Variants in VGLL1 observed in about 807,000 individuals in gnomAD.
VGLL1 encodes vestigial like family member 1, also known as transcription cofactor vestigial-like protein 1.
VGLL1 carries 4 observed loss-of-function variants against 12.0 expected under a neutral mutation model. That is an observed-to-expected ratio of 0.33 (90% CI 0.16 to 0.76). The LOEUF is 0.76. Ranked by LOEUF, VGLL1 falls within the 30% of genes least tolerant of loss-of-function variation. The pLI, the probability that VGLL1 is intolerant of heterozygous loss-of-function variation, is 0.60. For synonymous variants in VGLL1, 87 were observed against 81.2 expected, an observed-to-expected ratio of 1.07 and a Z score of -0.39; for missense variants, 204 against 208.7, an observed-to-expected ratio of 0.98 and a Z score of 0.14.
In VGLL1 at chrX:136,548,678, T is replaced by C. The variant is rs1177594111; in HGVS notation, c.304T>C (p.Cys102Arg). ...ACCTGTCACAAACCGTGCCGCCAAC[T>C]GCAACTTGCATGTGCCTGGTCCCAT... ...EVPVTNRAANCNLHVPGPMAV... is the reference protein window; with the variant it reads ...EVPVTNRAANRNLHVPGPMAV... The change falls in exon 3 of 5, where the codon TGC becomes CGC. Residue 102 changes from cysteine (C) to arginine (R), a missense_variant. Cys to Arg is a radical substitution (Grantham distance 180). Transcript: ENST00000370634. The C allele has an allele frequency of 8.3e-7, 1 of 1,210,582 alleles. No homozygotes were observed. Among genetic ancestry groups the C allele is most frequent in the Non-Finnish European group, 1.1e-6 (1 of 895,349 alleles).
intron 4 of VGLL1, 78 bp from the exon 5 acceptor site, chrX:136,556,373 A>G: frequency 1.2e-6 from 1 of 829,870 alleles, no homozygotes; most frequent in East Asian, 3.1e-5. Context: ...ACAGGTGTTC[A>G]TCTGGACCCT....
Position 136,548,578 on chromosome X carries a change from T to C in VGLL1, c.215-11T>C. 1 of 1,203,794 alleles carries C rather than the reference T, an allele frequency of 8.3e-7. No homozygotes were observed. Among genetic ancestry groups the C allele is most frequent in the Non-Finnish European group, 1.1e-6 (1 of 889,331 alleles). ...AACACCTAACATGTCTTCTAAATCT[T>C]TCCTTCTCAGATGATAGCATGTCTC... On this transcript the variant is annotated splice_polypyrimidine_tract_variant and intron_variant, in intron 2 of 4. Coordinates refer to ENST00000370634, the MANE Select transcript of VGLL1 (RefSeq NM_016267.4).
At chrX:136,540,989 A>C (rs910032336) in intron 2 of VGLL1, among the ~76,000 whole-genome samples, 9 of 112,255 alleles carry the variant, frequency 8.0e-5, no homozygotes, top group Non-Finnish European at 1.1e-4. Context: ...GGAGTCAATG[A>C]GATAATGCAT....
intron 2 of VGLL1, among the ~76,000 whole-genome samples, chrX:136,541,798 C>T (rs756654120): frequency 1.8e-5 from 2 of 112,239 alleles, no homozygotes; most frequent in East Asian, 2.8e-4. Flanking sequence ...TAGGAAATGC[C>T]GTCAAATTTC....
At chrX:136,532,577 CTTT>C (rs2075825669) in intron 1 of VGLL1, among the ~76,000 whole-genome samples, 6 of 6,454 alleles carry the variant, frequency 9.3e-4, no homozygotes, top group Admixed American at 4.5e-3. Context: ...TCAAATATTT[CTTT>C]CTTTCTTTCT....
Position 136,550,840 on chromosome X carries a change from C to G in VGLL1, c.688+19C>G, listed in dbSNP as rs2075883772. ...AATGAAAGTAGGTATCTGGGCCAGCCTTTGATGGTGTGTGTCTGTATCCTG... is the reference window on the plus strand; with the variant it reads ...AATGAAAGTAGGTATCTGGGCCAGCGTTTGATGGTGTGTGTCTGTATCCTG... On this transcript the variant is annotated intron_variant, in intron 4 of 4. Coordinates refer to ENST00000370634, the MANE Select transcript of VGLL1 (RefSeq NM_016267.4). 8.4e-7 allele frequency: 1 copy of G among 1,194,473 alleles called. No individual in the cohort carries two copies. Among genetic ancestry groups the G allele is most frequent in the African/African-American group, 1.7e-5 (1 of 57,300 alleles).
chrX:136,548,629 A>G lies in VGLL1; in HGVS notation c.255A>G (p.Pro85=), dbSNP rs778994068. 5 of 1,210,353 alleles carry G rather than the reference A, an allele frequency of 4.1e-6. No individual in the cohort carries two copies. Among genetic ancestry groups the G allele is most frequent in the Non-Finnish European group, 5.6e-6 (5 of 895,304 alleles). ...CAAATCAGTGGCGTTACTCGTCTCC[A>G]TGGACAAAGCCACAACCAGAAGTAC... ...MSPNQWRYSS[P]WTKPQPEVPV... is the part of the protein sequence containing the mutation. The change falls in exon 3 of 5, where the codon CCA becomes CCG. Residue 85 remains proline (P), a synonymous_variant. Coordinates refer to ENST00000370634, the MANE Select transcript of VGLL1 (RefSeq NM_016267.4).
At chrX:136,533,954 G>C (rs2075832874) in intron 1 of VGLL1, among the ~76,000 whole-genome samples, 1 of 112,320 alleles carries the variant, frequency 8.9e-6, no homozygotes. Flanking sequence ...GTAAAATGGG[G>C]ATAACAATAC....
At chrX:136,552,734 T>C (rs2075889913) in intron 4 of VGLL1, among the ~76,000 whole-genome samples, 1 of 112,136 alleles carries the variant, frequency 8.9e-6, no homozygotes, top group African/African-American at 3.3e-5. Context: ...TTGCCTTAAA[T>C]CACACAGCAG....
chrX:136,535,361 A>G (rs184578274), intron 1 of VGLL1, among the ~76,000 whole-genome samples: 36 of 111,901 alleles, frequency 3.2e-4, no homozygotes, highest in African/African-American at 1.2e-3. Context: ...GTACATCTGC[A>G]TTTTGTTCAG....
chrX:136,540,951 A>G (rs964081503), intron 2 of VGLL1, among the ~76,000 whole-genome samples: 16 of 111,935 alleles, frequency 1.4e-4, no homozygotes, highest in Non-Finnish European at 2.8e-4. Context: ...AAATGGAATA[A>G]TATTGAATTA....
chrX:136,537,483 T>G (rs2075843239), intron 2 of VGLL1, among the ~76,000 whole-genome samples: 1 of 112,222 alleles, frequency 8.9e-6, no homozygotes, highest in Non-Finnish European at 1.9e-5. Flanking sequence ...TCCTCAATCA[T>G]GTTAAATGCT....
intron 1 of VGLL1, among the ~76,000 whole-genome samples, chrX:136,535,065 A>G (rs2075835736): frequency 8.9e-6 from 1 of 111,992 alleles, no homozygotes; most frequent in African/African-American, 3.3e-5. Context: ...CTACTTCCCT[A>G]GTAAAGGAAG....
intron 4 of VGLL1, 40 bp from the exon 5 acceptor site, chrX:136,556,411 G>A (rs769302209): frequency 1.1e-5 from 12 of 1,120,411 alleles, no homozygotes; most frequent in Non-Finnish European, 1.3e-5. Flanking sequence ...TTCCATAGGG[G>A]CCTAACTGGC....
At chrX:136,550,969 G>A (rs1482977234) in intron 4 of VGLL1, 148 bp downstream of exon 4, 5 of 492,420 alleles carry the variant, frequency 1.0e-5, no homozygotes, top group Non-Finnish European at 1.8e-5. Context: ...CTATCACTCA[G>A]TGTTTTCATA....
intron 1 of VGLL1, among the ~76,000 whole-genome samples, chrX:136,532,632 TCTTTCTTTCTTTCTTTCTTTCTTTCTTTC>T (rs2075827323): frequency 2.0e-5 from 2 of 98,606 alleles, no homozygotes; most frequent in African/African-American, 7.4e-5. Context: ...TTTCTTTCTT[TCTTTCTTTCTTTCTTTCTTTCTTTCTTTC>T]TTTTTCTTTC....
In VGLL1 at chrX:136,539,188, A is replaced by T. The variant is rs754764358; in HGVS notation, c.214+2954A>T. ...TCATTATAATCATTCCCTTGTAAGC[A>T]TCATCAAGCCATGGTCTCACTTTTT... is the stretch of plus-strand genomic sequence containing the variant. On this transcript the variant is annotated intron_variant, in intron 2 of 4. Transcript: ENST00000370634. 2.1e-4 allele frequency among the ~76,000 whole-genome samples: 23 copies of T among 112,194 alleles called. No homozygotes were observed. The South Asian group carries it at 8.7e-3, about 42-fold the overall frequency.
chrX:136,542,000 G>T (rs192781632), intron 2 of VGLL1, among the ~76,000 whole-genome samples: 1 of 110,937 alleles, frequency 9.0e-6, no homozygotes, highest in East Asian at 2.9e-4. Context: ...GCATGGTCCT[G>T]GTACGTATGC....
chrX:136,545,045 G>A (rs771845327), intron 2 of VGLL1, among the ~76,000 whole-genome samples: 8 of 112,490 alleles, frequency 7.1e-5, no homozygotes, highest in Non-Finnish European at 1.1e-4. Context: ...AACAGCAACA[G>A]CTACCACTTA....
Sources: gnomAD v4.1 joint callset for allele counts (sites outside exome capture counted in the v4.1 genomes callset) on GRCh38, gnomAD v4.1.1 for gene constraint, MANE v1.5 for transcripts, NCBI Gene and HGNC (gene_info 2026-07-23, HGNC 2026-07-21) for gene names.